The following SND1 variants were observed in gnomAD, a reference collection of about 807,000 sequenced individuals.
The protein encoded by SND1 is staphylococcal nuclease and tudor domain containing 1, also known as staphylococcal nuclease domain-containing protein 1.
In SND1, 38 loss-of-function variants were observed where a neutral mutation model predicts 121.7. That is an observed-to-expected ratio of 0.31 (90% confidence interval 0.24 to 0.41). The LOEUF is 0.41. SND1 is among the 10% of genes least tolerant of loss of function. The pLI is 1.00. For missense variants in SND1, 868 were observed against 1,184.6 expected (o/e 0.73, Z 3.92); for synonymous variants, 401 against 447.4 (o/e 0.90, Z 1.31).
intron 10 of SND1, among the ~76,000 whole-genome samples, chr7:127,772,885 A>C (rs1326363456): frequency 6.6e-6 from 1 of 152,218 alleles, no homozygotes; most frequent in East Asian, 1.9e-4. Context: ...TTTTGATATA[A>C]TAGGTATAAT....
At chr7:127,852,816 A>G (rs2116664389) in intron 12 of SND1, among the ~76,000 whole-genome samples, 1 of 152,316 alleles carries the variant, frequency 6.6e-6, no homozygotes, top group South Asian at 2.1e-4. Flanking sequence ...GTCTCAAAAA[A>G]AAAAAGAAGA....
At chr7:127,652,534 T>C in intron 1 of SND1, 83 bp downstream of exon 1, 2 of 1,162,344 alleles carry the variant, frequency 1.7e-6, no homozygotes, top group Non-Finnish European at 2.4e-6. Flanking sequence ...GCCAGCCTGC[T>C]CCATGTCCCA....
intron 1 of SND1, among the ~76,000 whole-genome samples, chr7:127,672,028 T>G (rs1427886500): frequency 6.6e-6 from 1 of 152,234 alleles, no homozygotes; most frequent in Non-Finnish European, 1.5e-5. Flanking sequence ...ACTCAAAGTT[T>G]TGCCACTTTG....
chr7:127,696,070 G>A (rs915815221), intron 3 of SND1, among the ~76,000 whole-genome samples: 1 of 152,282 alleles, frequency 6.6e-6, no homozygotes, highest in African/African-American at 2.4e-5. Flanking sequence ...ACTATTTGTG[G>A]AGCAGAATTT....
chr7:127,983,864 C>G (rs1472312714), intron 15 of SND1, among the ~76,000 whole-genome samples: 4 of 152,096 alleles, frequency 2.6e-5, no homozygotes, highest in Admixed American at 2.6e-4. Flanking sequence ...TATTTATATC[C>G]CAGTAGTCAT....
chr7:127,747,027 T>C (rs1796995033), intron 10 of SND1, among the ~76,000 whole-genome samples: 1 of 152,240 alleles, frequency 6.6e-6, no homozygotes, highest in Non-Finnish European at 1.5e-5. Context: ...AAAGCTTACA[T>C]TGGGGATAAT....
intron 12 of SND1, among the ~76,000 whole-genome samples, chr7:127,857,529 T>C (rs557045012): frequency 1.3e-5 from 2 of 151,682 alleles, no homozygotes; most frequent in Admixed American, 6.6e-5. Flanking sequence ...TTCTTTTTTT[T>C]TCTTCGTAGC....
At chr7:127,705,764 A>G (rs1430885134) in intron 8 of SND1, among the ~76,000 whole-genome samples, 1 of 152,206 alleles carries the variant, frequency 6.6e-6, no homozygotes, top group Admixed American at 6.5e-5. Flanking sequence ...AGCAAAGACA[A>G]CACACAGCTG....
rs772606820 is a variant in SND1, at chr7:128,086,971, C to CT, written c.2339dup (p.Ser781IlefsTer27). On this transcript the variant is annotated frameshift_variant, in exon 21 of 24. Transcript: ENST00000354725. LOFTEE classifies it high-confidence loss of function. Reference sequence around the variant, plus strand: ...CCTGCCATCCACCCGCCTGGGTACCCTATCACCTGCCTTCAGCACTCGGGT... The same window carrying CT: ...CCTGCCATCCACCCGCCTGGGTACCCTTATCACCTGCCTTCAGCACTCGGGT... 1 of 1,614,126 alleles carries CT rather than the reference C, an allele frequency of 6.2e-7. No homozygotes were observed. The highest frequency in any genetic ancestry group is 8.5e-7 in the Non-Finnish European group (1 of 1,180,050).
At chr7:127,768,504 A>G (rs376856046) in intron 10 of SND1, among the ~76,000 whole-genome samples, 2 of 152,174 alleles carry the variant, frequency 1.3e-5, no homozygotes, top group African/African-American at 4.8e-5. Flanking sequence ...GAGGTTTTCT[A>G]TGATCTTGAT....
At chr7:128,055,127 G>A (rs758131075) in intron 16 of SND1, among the ~76,000 whole-genome samples, 3 of 152,182 alleles carry the variant, frequency 2.0e-5, no homozygotes, top group Non-Finnish European at 2.9e-5. Flanking sequence ...GTTTCAGTTG[G>A]GAAAGCTGGA....
intron 15 of SND1, among the ~76,000 whole-genome samples, chr7:127,975,119 A>C (rs1480833523): frequency 1.3e-5 from 2 of 152,208 alleles, no homozygotes; most frequent in African/African-American, 4.8e-5. Flanking sequence ...AATGATAAAA[A>C]CTATGAAAAC....
At chr7:128,049,777 G>A (rs999277539) in intron 16 of SND1, among the ~76,000 whole-genome samples, 11 of 152,186 alleles carry the variant, frequency 7.2e-5, no homozygotes, top group Non-Finnish European at 1.0e-4. Flanking sequence ...ATTATGGGAA[G>A]AAATTGGCTA....
chr7:127,820,612 C>CT (rs1798530769), intron 11 of SND1, among the ~76,000 whole-genome samples: 1 of 152,130 alleles, frequency 6.6e-6, no homozygotes. Context: ...AATTGATAGT[C>CT]TTTTTTACGT....
At chr7:127,733,757 G>T (rs570513149) in intron 10 of SND1, among the ~76,000 whole-genome samples, 1 of 152,100 alleles carries the variant, frequency 6.6e-6, no homozygotes, top group East Asian at 1.9e-4. Context: ...CAGCAGAGTC[G>T]CATTGTGTAT....
intron 12 of SND1, among the ~76,000 whole-genome samples, chr7:127,860,304 G>T (rs1438859367): frequency 6.6e-6 from 1 of 152,196 alleles, no homozygotes. Context: ...GAAGCCACAA[G>T]TTTCCTGTTG....
At chr7:127,807,724 T>G (rs1277423510) in intron 11 of SND1, 151 bp downstream of exon 11, 1 of 658,786 alleles carries the variant, frequency 1.5e-6, no homozygotes, top group African/African-American at 1.8e-5. Flanking sequence ...GAGGCGTGTT[T>G]ATGTGTCAGA....
chr7:127,695,760 A>C (rs1182325040), intron 3 of SND1, among the ~76,000 whole-genome samples: 1 of 152,182 alleles, frequency 6.6e-6, no homozygotes, highest in East Asian at 1.9e-4. Flanking sequence ...TGGGAGGTCA[A>C]GTCTGTGGTG....
At chr7:127,750,476 A>G (rs957989605) in intron 10 of SND1, among the ~76,000 whole-genome samples, 2 of 152,310 alleles carry the variant, frequency 1.3e-5, no homozygotes, top group Admixed American at 1.3e-4. Context: ...ATTACATACT[A>G]CCCTCAGTGG....
Sources: gnomAD v4.1 joint callset for allele counts (sites outside exome capture counted in the v4.1 genomes callset) on GRCh38, gnomAD v4.1.1 for gene constraint, MANE v1.5 for transcripts, NCBI Gene and HGNC (gene_info 2026-07-23, HGNC 2026-07-21) for gene names.